NFIC: variants seen among roughly 807,000 people sequenced by gnomAD.
The protein encoded by NFIC is nuclear factor I C, also known as nuclear factor 1 C-type.
NFIC carries 12 observed loss-of-function variants against 54.4 expected under a neutral mutation model. The observed-to-expected ratio is 0.22, with a 90% CI of 0.14 to 0.36. The LOEUF (loss-of-function observed/expected upper bound fraction) is 0.36. Among genes scored for constraint, NFIC ranks in the 10% least tolerant of loss-of-function variants. The pLI, the probability that NFIC is intolerant of heterozygous loss-of-function variation, is 1.00. For synonymous variants in NFIC, 322 were observed against 319.2 expected, an observed-to-expected ratio of 1.01 and a Z score of -0.09; for missense variants, 575 against 718.2, an observed-to-expected ratio of 0.80 and a Z score of 2.28.
intron 6 of NFIC, among the ~76,000 whole-genome samples, chr19:3,435,890 G>A (rs1182034640): frequency 1.3e-5 from 2 of 151,424 alleles, no homozygotes; most frequent in African/African-American, 2.4e-5. Flanking sequence ...GCAATGGCGC[G>A]ATCTCCGCTC....
chr19:3,379,879 G>A (rs976218780), intron 1 of NFIC, among the ~76,000 whole-genome samples: 6 of 150,968 alleles, frequency 4.0e-5, no homozygotes, highest in Non-Finnish European at 8.8e-5. Context: ...ACGGGGCCTC[G>A]CTATGTCATC....
At chr19:3,440,162 C>T (rs1427498804) in intron 6 of NFIC, among the ~76,000 whole-genome samples, 3 of 152,076 alleles carry the variant, frequency 2.0e-5, no homozygotes, top group Admixed American at 1.3e-4. Flanking sequence ...CAGGGAGAAT[C>T]GTGGTTTGAG....
intron 1 of NFIC, among the ~76,000 whole-genome samples, chr19:3,376,841 G>C (rs1277653242): frequency 2.0e-5 from 3 of 152,146 alleles, no homozygotes; most frequent in African/African-American, 7.2e-5. Flanking sequence ...TGATTCTCCT[G>C]CCTTAGCCTC....
chr19:3,455,411 C>T (rs1457433666), intron 9 of NFIC, among the ~76,000 whole-genome samples: 36 of 123,306 alleles, frequency 2.9e-4, no homozygotes, highest in South Asian at 5.4e-4. Context: ...CAGTGCCTGG[C>T]ATACAGTAGA....
At chr19:3,435,967 C>A (rs1222588569) in intron 6 of NFIC, among the ~76,000 whole-genome samples, 2 of 150,950 alleles carry the variant, frequency 1.3e-5, no homozygotes, top group Admixed American at 1.3e-4. Context: ...ACTGGGATTA[C>A]AGGCATGCAC....
Position 3,465,046 on chromosome 19 carries a change from G to A in NFIC, c.*2277G>A, listed in dbSNP as rs1160770553. ...ATGGTGCTTAGTCAAGGACTCCTGC[G>A]ACCTGGCTCCCGAGGTCAGCTGGCG... On this transcript the variant is annotated 3_prime_UTR_variant, in exon 11 of 11. Coordinates refer to ENST00000443272, the MANE Select transcript of NFIC (RefSeq NM_001245002.2). 6.6e-6 allele frequency: 1 copy of A among 150,430 alleles called. No homozygotes were observed. The highest frequency in any genetic ancestry group is 1.5e-5 in the Non-Finnish European group (1 of 67,816). 9.3% of individuals were successfully genotyped at this position (150,430 alleles called of 1,614,324 possible). A position where few individuals can be genotyped will look rare whatever the true frequency, so the allele number is the denominator to read the frequency against.
chr19:3,423,376 CAGTT>C (rs1344530158), intron 2 of NFIC, among the ~76,000 whole-genome samples: 1 of 152,152 alleles, frequency 6.6e-6, no homozygotes, highest in Non-Finnish European at 1.5e-5. Flanking sequence ...AGGCTCAGGA[CAGTT>C]AGGCGACTTG....
At chr19:3,363,280 T>A (rs1336527174), upstream of NFIC, among the ~76,000 whole-genome samples, 7 of 127,176 alleles carry the variant, frequency 5.5e-5, no homozygotes, top group Admixed American at 7.9e-5. Flanking sequence ...TTTTTTTTTT[T>A]TTTTTTTTTG....
chr19:3,409,890 G>A (rs765253042), intron 2 of NFIC, among the ~76,000 whole-genome samples: 10 of 152,186 alleles, frequency 6.6e-5, no homozygotes, highest in South Asian at 2.1e-4. Context: ...CCTGGCTCCC[G>A]GCCAGATGAG....
chr19:3,362,338 T>C (rs2080821890), upstream of NFIC, among the ~76,000 whole-genome samples: 1 of 151,992 alleles, frequency 6.6e-6, no homozygotes, highest in South Asian at 2.1e-4. Flanking sequence ...ATCCATGCGT[T>C]GTGCTTGTCA....
At chr19:3,386,807 G>C (rs907734870) in intron 2 of NFIC, among the ~76,000 whole-genome samples, 4 of 152,206 alleles carry the variant, frequency 2.6e-5, no homozygotes, top group African/African-American at 9.6e-5. Flanking sequence ...AAGTTGTGGT[G>C]CGTGAGGGGG....
chr19:3,417,939 C>T (rs1328335279), intron 2 of NFIC, among the ~76,000 whole-genome samples: 10 of 2,670 alleles, frequency 3.7e-3, no homozygotes, highest in Admixed American at 0.012. Flanking sequence ...TGCCCGGCCA[C>T]CTCTGGAAGC....
At chr19:3,407,415 A>G (rs2081671300) in intron 2 of NFIC, among the ~76,000 whole-genome samples, 1 of 138,472 alleles carries the variant, frequency 7.2e-6, no homozygotes, top group Non-Finnish European at 1.6e-5. Flanking sequence ...GCCCGGCCCA[A>G]TTGTTTGGTT....
chr19:3,391,467 A>G (rs988817895), intron 2 of NFIC, among the ~76,000 whole-genome samples: 8 of 152,104 alleles, frequency 5.3e-5, no homozygotes, highest in African/African-American at 4.8e-5. Context: ...CCCAGCCAAC[A>G]TGGTAAAACC....
rs1276475946 is a variant in NFIC, at chr19:3,464,578, C to A, written c.*1809C>A. ...TCCATGCCTAGGGAAAAACTCCCCC[C>A]ACCACTGCCCCCTCCCCCGACCCAG... On this transcript the variant is annotated 3_prime_UTR_variant, in exon 11 of 11. Coordinates refer to ENST00000443272, the MANE Select transcript of NFIC (RefSeq NM_001245002.2). The A allele has an allele frequency of 2.1e-6, 2 of 966,492 alleles. No homozygotes were observed. The highest frequency in any genetic ancestry group is 3.6e-5 in the African/African-American group (2 of 56,274). 59.9% of individuals were successfully genotyped at this position (966,492 alleles called of 1,614,324 possible).
chr19:3,388,652 G>GC (rs35074733), intron 2 of NFIC, among the ~76,000 whole-genome samples: 13,058 of 149,158 alleles, frequency 0.088, 638 homozygotes, highest in South Asian at 0.14. Context: ...GCACGACCAT[G>GC]CCCCCCCCCA....
chr19:3,379,673 C>CTTTTTTTTTTTTTT (rs370082450), intron 1 of NFIC, among the ~76,000 whole-genome samples: 1 of 102,538 alleles, frequency 9.8e-6, no homozygotes, highest in Admixed American at 1.1e-4. Flanking sequence ...TTATTTCTTT[C>CTTTTTTTTTTTTTT]TTTTTTTTTT....
At chr19:3,422,289 G>T (rs2081964601) in intron 2 of NFIC, among the ~76,000 whole-genome samples, 1 of 151,384 alleles carries the variant, frequency 6.6e-6, no homozygotes, top group Admixed American at 6.6e-5. Context: ...GCCCTGGCTG[G>T]TCTCGAACTC....
At chr19:3,405,159 A>G (rs1482953978) in intron 2 of NFIC, among the ~76,000 whole-genome samples, 1 of 152,134 alleles carries the variant, frequency 6.6e-6, no homozygotes, top group Admixed American at 6.5e-5. Flanking sequence ...GCGGCAGGGG[A>G]GAGGGAGATG....
Sources: gnomAD v4.1 joint callset for allele counts (sites outside exome capture counted in the v4.1 genomes callset) on GRCh38, gnomAD v4.1.1 for gene constraint, MANE v1.5 for transcripts, NCBI Gene and HGNC (gene_info 2026-07-23, HGNC 2026-07-21) for gene names.